The following CAMK4 variants were observed in gnomAD, a reference collection of about 807,000 sequenced individuals.
The protein encoded by CAMK4 is calcium/calmodulin-dependent protein kinase type IV.
In CAMK4, 22 loss-of-function variants were observed where a neutral mutation model predicts 44.9. The observed-to-expected ratio is 0.49, with a 90% confidence interval of 0.35 to 0.70. The LOEUF (loss-of-function observed/expected upper bound fraction) is 0.70. Ranked by LOEUF, CAMK4 falls within the 30% of genes least tolerant of loss-of-function variation. CAMK4 has a pLI of 0.01. For synonymous variants in CAMK4, 218 were observed against 215.4 expected (o/e 1.01, Z -0.11); for missense variants, 498 against 586.8 (o/e 0.85, Z 1.56).
intron 2 of CAMK4, among the ~76,000 whole-genome samples, chr5:111,366,366 C>T (rs1487221635): frequency 6.6e-6 from 1 of 152,118 alleles, no homozygotes; most frequent in African/African-American, 2.4e-5. Flanking sequence ...TCTTTAGTTG[C>T]ACAGGTCACC....
chr5:111,442,994 T>G (rs1753880943), intron 5 of CAMK4, among the ~76,000 whole-genome samples: 1 of 149,576 alleles, frequency 6.7e-6, no homozygotes, highest in Non-Finnish European at 1.5e-5. Context: ...TTTTTGAATA[T>G]AAAGGGTTAC....
chr5:111,245,692 T>C (rs891778699), intron 1 of CAMK4, among the ~76,000 whole-genome samples: 7 of 152,254 alleles, frequency 4.6e-5, no homozygotes, highest in Admixed American at 2.6e-4. Context: ...TGTGTGTAAA[T>C]TTGTTGATAA....
intron 1 of CAMK4, among the ~76,000 whole-genome samples, chr5:111,230,455 A>C (rs1748414607): frequency 6.6e-6 from 1 of 152,224 alleles, no homozygotes; most frequent in African/African-American, 2.4e-5. Context: ...ACTCACTGTA[A>C]AAACCTTAAA....
chr5:111,410,248 A>G (rs1292191464), intron 5 of CAMK4, among the ~76,000 whole-genome samples: 2 of 124,646 alleles, frequency 1.6e-5, no homozygotes, highest in African/African-American at 5.3e-5. Context: ...AGGCCTCACA[A>G]TCATGGCAGA....
chr5:111,426,180 A>C (rs1156926960), intron 5 of CAMK4, among the ~76,000 whole-genome samples: 2 of 152,188 alleles, frequency 1.3e-5, no homozygotes, highest in South Asian at 2.1e-4. Context: ...GAAAGGACTG[A>C]CTTTGAGATC....
intron 2 of CAMK4, among the ~76,000 whole-genome samples, chr5:111,351,409 CTTT>C (rs1230580699): frequency 1.4e-5 from 2 of 142,614 alleles, no homozygotes; most frequent in Non-Finnish European, 1.5e-5. Context: ...TTTTCTTTTT[CTTT>C]TTTTTTTTTT....
At chr5:111,397,322 G>A (rs976604005) in intron 5 of CAMK4, among the ~76,000 whole-genome samples, 3 of 152,344 alleles carry the variant, frequency 2.0e-5, no homozygotes, top group South Asian at 4.1e-4. Context: ...ATAACTTGCG[G>A]AAATCATAGC....
chr5:111,469,693 C>A (rs1754995809), intron 7 of CAMK4, among the ~76,000 whole-genome samples: 1 of 152,120 alleles, frequency 6.6e-6, no homozygotes, highest in African/African-American at 2.4e-5. Flanking sequence ...CAGGATGAGT[C>A]CCCATAGGGC....
intron 1 of CAMK4, among the ~76,000 whole-genome samples, chr5:111,284,345 T>C (rs1318555307): frequency 1.3e-5 from 2 of 152,230 alleles, no homozygotes; most frequent in Admixed American, 6.5e-5. Flanking sequence ...CAAGGCATTG[T>C]ATTGGGTAAT....
intron 5 of CAMK4, among the ~76,000 whole-genome samples, chr5:111,421,147 G>A (rs774527043): frequency 1.3e-5 from 2 of 152,132 alleles, no homozygotes; most frequent in Non-Finnish European, 2.9e-5. Context: ...CACAATCCAC[G>A]TTCTTCTGCC....
At chr5:111,394,668 A>C in intron 4 of CAMK4, 42 bp from the exon 5 acceptor site, 4 of 1,332,404 alleles carry the variant, frequency 3.0e-6, no homozygotes, top group Middle Eastern at 3.7e-4. Flanking sequence ...CATTCTTCTG[A>C]ATGAATGTGC....
intron 1 of CAMK4, among the ~76,000 whole-genome samples, chr5:111,334,512 A>G (rs1318358652): frequency 6.6e-6 from 1 of 151,532 alleles, no homozygotes; most frequent in Admixed American, 6.6e-5. Context: ...CTGCTCTTTA[A>G]TATGACACAC....
Position 111,245,630 on chromosome 5 carries a change from T to A in CAMK4, c.161+20986T>A, listed in dbSNP as rs1454285646. On this transcript the variant is annotated intron_variant, in intron 1 of 10. Coordinates refer to ENST00000282356, the MANE Select transcript of CAMK4 (RefSeq NM_001744.6). ...TCCATTAAATAGCAGCAAATGAGTT[T>A]CACTTGACTTCTCCAACTGATTCCC... is the stretch of plus-strand genomic sequence containing the variant. 4.6e-5 allele frequency among the ~76,000 whole-genome samples: 7 copies of A among 152,238 alleles called. No individual in the cohort carries two copies. The South Asian group carries it at 1.2e-3, about 27-fold the overall frequency.
Position 111,369,041 on chromosome 5 carries a change from AAATAATAATAATAT to A in CAMK4, c.241-5796_241-5783del, listed in dbSNP as rs1432167094. 4.0e-5 allele frequency among the ~76,000 whole-genome samples: 6 copies of A among 149,558 alleles called. No individual in the cohort carries two copies. In the East Asian group the frequency reaches 9.8e-4, roughly 24 times the overall value. The stretch of plus-strand genomic sequence containing the variant: ...GCTTTAGGAGCCCTTTCTACTCACA[AAATAATAATAATAT>A]AATAATAATAATTATTATTATTATT... On this transcript the variant is annotated intron_variant, in intron 2 of 10. Coordinates refer to ENST00000282356, the MANE Select transcript of CAMK4 (RefSeq NM_001744.6).
At chr5:111,443,271 TATATATATACACAC>T (rs1474440939) in intron 5 of CAMK4, among the ~76,000 whole-genome samples, 2,579 of 52,720 alleles carry the variant, frequency 0.049, 35 homozygotes, top group East Asian at 0.1. Flanking sequence ...TATATATATA[TATATATATACACAC>T]ACACACACAC....
chr5:111,472,549 C>A (rs576331789), intron 7 of CAMK4, among the ~76,000 whole-genome samples: 1 of 152,302 alleles, frequency 6.6e-6, no homozygotes, highest in Admixed American at 6.5e-5. Flanking sequence ...GTTAATTACC[C>A]ATTTTCACAA....
At chr5:111,435,185 A>T (rs1314895113) in intron 5 of CAMK4, among the ~76,000 whole-genome samples, 2 of 152,102 alleles carry the variant, frequency 1.3e-5, no homozygotes, top group Non-Finnish European at 2.9e-5. Flanking sequence ...TGGAGCTTTT[A>T]TATTTTTTAA....
At chr5:111,399,042 A>G (rs1580701112) in intron 5 of CAMK4, among the ~76,000 whole-genome samples, 1 of 152,158 alleles carries the variant, frequency 6.6e-6, no homozygotes, top group Admixed American at 6.5e-5. Context: ...CATCAATTAT[A>G]TCATTTCCAT....
chr5:111,446,654 A>G (rs1439741568), intron 5 of CAMK4, 32 bp from the exon 6 acceptor site: 1 of 1,126,902 alleles, frequency 8.9e-7, no homozygotes, highest in Non-Finnish European at 1.3e-6. Context: ...ATAGCATTAC[A>G]CAAATGTTAT....
Sources: allele counts gnomAD v4.1 joint callset (sites outside exome capture counted in the v4.1 genomes callset), GRCh38; gene constraint gnomAD v4.1.1; transcripts MANE v1.5; gene names NCBI Gene and HGNC (gene_info 2026-07-23, HGNC 2026-07-21).